The following ALKBH8 variants were observed in gnomAD, a reference collection of about 807,000 sequenced individuals.
The protein encoded by ALKBH8 is alkB homolog 8, tRNA methyltransferase, also known as tRNA (carboxymethyluridine(34)-5-O)-methyltransferase ALKBH8.
ALKBH8 carries 36 observed loss-of-function variants against 59.8 expected under a neutral mutation model. The observed-to-expected ratio is 0.60, with a 90% CI of 0.46 to 0.79. ALKBH8 has a LOEUF of 0.79. ALKBH8 is among the 30% of genes least tolerant of loss of function. The pLI is 0.00. For synonymous variants in ALKBH8, 276 were observed against 273.6 expected, an observed-to-expected ratio of 1.01 and a Z score of -0.09; for missense variants, 768 against 801.0, an observed-to-expected ratio of 0.96 and a Z score of 0.50.
At chr11:107,556,098 T>C (rs1269063510) in intron 3 of ALKBH8, among the ~76,000 whole-genome samples, 4 of 152,044 alleles carry the variant, frequency 2.6e-5, no homozygotes, top group African/African-American at 7.2e-5. Context: ...GCCAACACGG[T>C]GAAACCCCAT....
At chr11:107,522,608 G>GTATCAAGT (rs2135501318) in intron 9 of ALKBH8, 53 bp from the exon 10 acceptor site, 11 of 1,478,506 alleles carry the variant, frequency 7.4e-6, no homozygotes, top group Non-Finnish European at 9.9e-6. Flanking sequence ...AACTCATAAG[G>GTATCAAGT]TATCAAGTTT....
At chr11:107,531,222 G>C (rs1374106862) in intron 8 of ALKBH8, among the ~76,000 whole-genome samples, 2 of 151,884 alleles carry the variant, frequency 1.3e-5, no homozygotes, top group Non-Finnish European at 1.5e-5. Context: ...TCATTTCCTT[G>C]AGTTTTTATA....
intron 7 of ALKBH8, among the ~76,000 whole-genome samples, chr11:107,533,640 T>G (rs564595893): frequency 5.9e-5 from 9 of 152,232 alleles, no homozygotes; most frequent in African/African-American, 2.2e-4. Context: ...TTCTGAAGTT[T>G]TTAGAGATGA....
intron 1 of ALKBH8, among the ~76,000 whole-genome samples, chr11:107,561,854 G>A (rs1323369873): frequency 6.6e-6 from 1 of 152,208 alleles, no homozygotes; most frequent in African/African-American, 2.4e-5. Flanking sequence ...GCACCCTGCA[G>A]CATGCAACCA....
intron 10 of ALKBH8, among the ~76,000 whole-genome samples, 168 bp from the exon 11 acceptor site, chr11:107,511,204 T>C (rs568573590): frequency 2.0e-4 from 30 of 152,294 alleles, no homozygotes; most frequent in African/African-American, 7.2e-4. Context: ...AATCAGAATA[T>C]ATAATTGTAC....
chr11:107,553,918 A>G lies in ALKBH8; in HGVS notation c.428T>C (p.Ile143Thr). 6.2e-7 allele frequency: 1 copy of G among 1,613,764 alleles called. No individual in the cohort carries two copies. Among genetic ancestry groups the G allele is most frequent in the Non-Finnish European group, 8.5e-7 (1 of 1,179,806 alleles). ...CATTTTCTCCTCCTCAGAAGAAATT[A>G]TTTCTTCTACTACCATGAGTCCTGG... is the stretch of plus-strand genomic sequence containing the variant. ...LPPGLMVVEE[I>T]ISSEEEKMLL... Residue 143 changes from isoleucine to threonine, a missense_variant, in exon 4 of 12, where the codon ATA (isoleucine) becomes ACA (threonine). By Grantham distance (89) the Ile-to-Thr change is moderately conservative. Transcript: ENST00000428149.
intron 11 of ALKBH8, among the ~76,000 whole-genome samples, chr11:107,508,807 C>T (rs572752543): frequency 2.6e-5 from 4 of 152,270 alleles, no homozygotes; most frequent in African/African-American, 9.6e-5. Flanking sequence ...GCATAATATC[C>T]TCAAGGTTCA....
rs745922825 is a variant in ALKBH8, at chr11:107,522,481, G to A, written c.1105C>T (p.Arg369Trp). 1.4e-5 allele frequency: 21 copies of A among 1,551,696 alleles called. No individual in the cohort carries two copies. The highest frequency in any genetic ancestry group is 2.7e-5 in the African/African-American group (2 of 73,138). Residue 369 changes from arginine to tryptophan, a missense_variant, in exon 10 of 12, where the codon CGG becomes TGG. Coordinates refer to ENST00000428149, the MANE Select transcript of ALKBH8 (RefSeq NM_138775.3). ...TGATGGACGTACTCTTGCTCCAGCC[G>A]TGAGGCTTCTTTATCACTCTCTGGA... is the stretch of plus-strand genomic sequence containing the variant. ...SFPESDKEAS[R>W]LEQEYVHQVY...
At chr11:107,528,875 C>T (rs573466394) in intron 8 of ALKBH8, among the ~76,000 whole-genome samples, 3 of 152,172 alleles carry the variant, frequency 2.0e-5, no homozygotes, top group African/African-American at 7.2e-5. Context: ...AGAGACATCT[C>T]AAGGTAGTAG....
rs1862379179 is a variant in ALKBH8, at chr11:107,506,257, AG to A, written c.1438-1043del. Among the ~76,000 whole-genome samples, 4 of 152,336 alleles carry A rather than the reference AG, an allele frequency of 2.6e-5. No individual in the cohort carries two copies. In the South Asian group the frequency reaches 8.3e-4, roughly 32 times the overall value. On this transcript the variant is annotated intron_variant, in intron 11 of 11. Transcript: ENST00000428149. ...TAAAACCAGTTCTCTGCAGAATGAA[AG>A]TGATCTGCTTATACTTTATCTGCTT...
intron 3 of ALKBH8, among the ~76,000 whole-genome samples, chr11:107,555,063 T>A (rs1864648734): frequency 6.6e-6 from 1 of 151,942 alleles, no homozygotes; most frequent in East Asian, 1.9e-4. Flanking sequence ...ATCAAGACCA[T>A]CCTGGCTAAC....
At chr11:107,546,591 G>A (rs599192) in intron 7 of ALKBH8, among the ~76,000 whole-genome samples, 2,977 of 152,258 alleles carry the variant, frequency 0.02, 93 homozygotes, top group African/African-American at 0.067. Flanking sequence ...GAGCCAACAA[G>A]TTAAAACTTT....
intron 7 of ALKBH8, among the ~76,000 whole-genome samples, chr11:107,541,263 C>A (rs553067240): frequency 6.6e-6 from 1 of 152,128 alleles, no homozygotes; most frequent in Non-Finnish European, 1.5e-5. Flanking sequence ...AACTGTGTAT[C>A]AACTCCTGAT....
intron 10 of ALKBH8, among the ~76,000 whole-genome samples, chr11:107,516,663 C>T (rs1255052516): frequency 6.6e-6 from 1 of 152,172 alleles, no homozygotes; most frequent in Non-Finnish European, 1.5e-5. Context: ...AGGGAAGAGA[C>T]AACCTACAGA....
chr11:107,550,789 G>T (rs630480), intron 6 of ALKBH8, among the ~76,000 whole-genome samples: 1 of 151,896 alleles, frequency 6.6e-6, no homozygotes, highest in East Asian at 1.9e-4. Context: ...GTGGAAGCTC[G>T]CTCTCTCTCC....
At chr11:107,535,890 T>C (rs1863795235) in intron 7 of ALKBH8, among the ~76,000 whole-genome samples, 1 of 151,974 alleles carries the variant, frequency 6.6e-6, no homozygotes, top group Admixed American at 6.6e-5. Context: ...TTGCTTCAAA[T>C]GTAGAAAGAA....
chr11:107,512,863 G>T (rs1862697503), intron 10 of ALKBH8, among the ~76,000 whole-genome samples: 1 of 152,142 alleles, frequency 6.6e-6, no homozygotes, highest in African/African-American at 2.4e-5. Flanking sequence ...ATGTGTAGAA[G>T]ATTGAAACTG....
chr11:107,546,017 A>C (rs1041275297), intron 7 of ALKBH8, among the ~76,000 whole-genome samples: 7 of 152,362 alleles, frequency 4.6e-5, no homozygotes, highest in South Asian at 4.1e-4. Context: ...ATATTTTATC[A>C]GAAAAACAAG....
intron 10 of ALKBH8, among the ~76,000 whole-genome samples, chr11:107,511,844 G>A (rs932497883): frequency 9.2e-5 from 14 of 151,856 alleles, no homozygotes; most frequent in African/African-American, 3.1e-4. Flanking sequence ...CCAAAGTGCT[G>A]GGATTACGGG....
Sources: gnomAD v4.1 joint callset for allele counts (sites outside exome capture counted in the v4.1 genomes callset) on GRCh38, gnomAD v4.1.1 for gene constraint, MANE v1.5 for transcripts, NCBI Gene and HGNC (gene_info 2026-07-23, HGNC 2026-07-21) for gene names.